RGL1: variants seen among roughly 807,000 people sequenced by gnomAD.
RGL1 encodes ral guanine nucleotide dissociation stimulator-like 1.
Under a neutral mutation model 95.2 loss-of-function variants are expected in RGL1, and 24 were observed. The ratio of observed to expected loss-of-function variants is 0.25; its 90% CI spans 0.18 to 0.35. The LOEUF (loss-of-function observed/expected upper bound fraction) is 0.35, where lower values mean the gene tolerates loss of function less well. Among genes scored for constraint, RGL1 ranks in the 10% least tolerant of loss-of-function variants. The probability of loss-of-function intolerance (pLI) is 1.00; values close to 1 mark genes in which losing one functional copy is unlikely to be tolerated. For synonymous variants in RGL1, 329 were observed against 344.9 expected (o/e 0.95, Z 0.51); for missense variants, 715 against 936.3 (o/e 0.76, Z 3.08).
At chr1:183,760,001 C>G (rs933266331) in intron 2 of RGL1, among the ~76,000 whole-genome samples, 2 of 152,106 alleles carry the variant, frequency 1.3e-5, no homozygotes, top group African/African-American at 4.8e-5. Context: ...ACACATACCT[C>G]GTGGATACCT....
chr1:183,802,490 C>T (rs541285694), upstream of RGL1, among the ~76,000 whole-genome samples: 23 of 149,298 alleles, frequency 1.5e-4, no homozygotes, highest in African/African-American at 2.9e-4. Flanking sequence ...CTTGGGATTT[C>T]GGAAGGGATT....
rs536858185 is a variant in RGL1 at position 183,665,377 on chromosome 1, G to T, written c.-33+28876G>T. Among the ~76,000 whole-genome samples the T allele has an allele frequency of 6.6e-5, 10 of 152,182 alleles. 1 individual carries two copies. The East Asian group carries it at 1.9e-3, about 29-fold the overall frequency. ...CTTGTAATGTCTTTGTCTGGTTTTG[G>T]TATTAGAGTAATGCTGGTCTCATAA... is the stretch of plus-strand genomic sequence containing the variant. On this transcript the variant is annotated intron_variant, in intron 1 of 18. Transcript: ENST00000304685.
chr1:183,820,857 A>G (rs1338809779), intron 2 of RGL1, among the ~76,000 whole-genome samples: 2 of 152,182 alleles, frequency 1.3e-5, no homozygotes, highest in Non-Finnish European at 2.9e-5. Context: ...GCGGTGGCTC[A>G]TGCCTGTAAT....
chr1:183,690,154 G>T (rs1558155024), intron 1 of RGL1, among the ~76,000 whole-genome samples: 1 of 152,188 alleles, frequency 6.6e-6, no homozygotes, highest in Non-Finnish European at 1.5e-5. Context: ...GGAGTTGAAT[G>T]GGTGGCTGTG....
chr1:183,883,674 G>A, intron 5 of RGL1, 112 bp from the exon 6 acceptor site: 1 of 1,193,160 alleles, frequency 8.4e-7, no homozygotes, highest in Non-Finnish European at 1.2e-6. Context: ...CCCTGTGGCT[G>A]TTCTGGAGGA....
chr1:183,914,866 T>C (rs1668865513), intron 15 of RGL1, among the ~76,000 whole-genome samples: 1 of 151,974 alleles, frequency 6.6e-6, no homozygotes, highest in Non-Finnish European at 1.5e-5. Context: ...GGCGAAAAAA[T>C]TGAATGAATA....
intron 14 of RGL1, among the ~76,000 whole-genome samples, chr1:183,910,770 C>T (rs1225400791): frequency 6.6e-6 from 1 of 152,182 alleles, no homozygotes; most frequent in Non-Finnish European, 1.5e-5. Flanking sequence ...ACCTTTTTCA[C>T]TTAGAGGTGA....
intron 2 of RGL1, among the ~76,000 whole-genome samples, chr1:183,783,853 C>CTAAGT (rs1237316011): frequency 1.3e-4 from 20 of 151,912 alleles, no homozygotes. Context: ...TTGTGAATGC[C>CTAAGT]TAAGTTAAAT....
chr1:183,765,161 G>T (rs940078247), intron 2 of RGL1, among the ~76,000 whole-genome samples: 1 of 152,172 alleles, frequency 6.6e-6, no homozygotes, highest in Admixed American at 6.6e-5. Flanking sequence ...AAGGTATGAG[G>T]CATCTTTCTA....
chr1:183,725,906 T>G (rs1330141904), intron 1 of RGL1, among the ~76,000 whole-genome samples: 4 of 152,190 alleles, frequency 2.6e-5, no homozygotes, highest in Non-Finnish European at 4.4e-5. Flanking sequence ...GACCACATGC[T>G]TAGCCATTAA....
At chr1:183,901,907 A>G (rs1231030132) in intron 11 of RGL1, among the ~76,000 whole-genome samples, 1 of 152,212 alleles carries the variant, frequency 6.6e-6, no homozygotes, top group East Asian at 1.9e-4. Context: ...CTTTTATTGT[A>G]TCTTAATTAG....
intron 1 of RGL1, among the ~76,000 whole-genome samples, chr1:183,640,556 T>A (rs960943971): frequency 3.3e-5 from 5 of 152,210 alleles, no homozygotes; most frequent in South Asian, 2.1e-4. Context: ...GTCTTATTTT[T>A]AAAATATTGT....
intron 3 of RGL1, among the ~76,000 whole-genome samples, chr1:183,862,588 A>G (rs1665577053): frequency 6.6e-6 from 1 of 152,254 alleles, no homozygotes; most frequent in Non-Finnish European, 1.5e-5. Flanking sequence ...GATTTTTGGA[A>G]TAATCACAGC....
intron 2 of RGL1, among the ~76,000 whole-genome samples, chr1:183,765,559 T>C (rs534277813): frequency 6.6e-6 from 1 of 152,350 alleles, no homozygotes; most frequent in East Asian, 1.9e-4. Context: ...GTTCAATCCA[T>C]GCAATCAGCT....
At chr1:183,668,003 A>ATG (rs71130628) in intron 1 of RGL1, among the ~76,000 whole-genome samples, 2,988 of 135,214 alleles carry the variant, frequency 0.022, 73 homozygotes, top group African/African-American at 0.067. Flanking sequence ...GCTTATATAT[A>ATG]TGTGTGTGTG....
At chr1:183,710,219 T>C in intron 1 of RGL1, 1 of 192,898 alleles carries the variant, frequency 5.2e-6, no homozygotes, top group Non-Finnish European at 1.1e-5. Flanking sequence ...TGCACACTCT[T>C]ACCAGTGCTG....
chr1:183,729,984 G>GGGGCTTA (rs1263512289), intron 1 of RGL1, among the ~76,000 whole-genome samples: 1 of 152,156 alleles, frequency 6.6e-6, no homozygotes, highest in Admixed American at 6.5e-5. Flanking sequence ...CGGCTGGGAA[G>GGGGCTTA]GGGCTTAAGA....
intron 2 of RGL1, among the ~76,000 whole-genome samples, chr1:183,795,085 T>C (rs1019937947): frequency 6.6e-6 from 1 of 152,184 alleles, no homozygotes; most frequent in East Asian, 1.9e-4. Context: ...CCCAGGCTGG[T>C]GTTGAATTCC....
intron 1 of RGL1, among the ~76,000 whole-genome samples, chr1:183,739,190 A>T (rs2102249522): frequency 6.6e-6 from 1 of 152,294 alleles, no homozygotes; most frequent in African/African-American, 2.4e-5. Flanking sequence ...AAAAGGAATG[A>T]TCCATTCCCT....
Sources: allele counts gnomAD v4.1 joint callset (sites outside exome capture counted in the v4.1 genomes callset), GRCh38; gene constraint gnomAD v4.1.1; transcripts MANE v1.5; gene names NCBI Gene and HGNC (gene_info 2026-07-23, HGNC 2026-07-21).